Variants in TRANK1 observed in about 807,000 individuals in gnomAD.
TRANK1 encodes the protein TPR and ankyrin repeat-containing protein 1.
A neutral mutation model predicts 266.0 loss-of-function variants in TRANK1; 198 were observed. The observed-to-expected ratio is 0.74, with a 90% CI of 0.66 to 0.84. The LOEUF (loss-of-function observed/expected upper bound fraction) is 0.84. Ranked by LOEUF, TRANK1 falls within the 40% of genes least tolerant of loss-of-function variation. The pLI is 0.00. For synonymous variants in TRANK1, 1,396 were observed against 1,384.1 expected (o/e 1.01, Z -0.19); for missense variants, 3,326 against 3,634.6 (o/e 0.92, Z 2.18).
At chr3:36,852,829 G>A (rs2079003816) in intron 13 of TRANK1, among the ~76,000 whole-genome samples, 1 of 150,154 alleles carries the variant, frequency 6.7e-6, no homozygotes, top group South Asian at 2.1e-4. Context: ...GCTCTCATAA[G>A]GGGCTGGTAT....
rs754784303 is a variant in TRANK1, at chr3:36,838,655, T to C, written c.5342A>G (p.His1781Arg). The C allele has an allele frequency of 6.2e-7, 1 of 1,613,984 alleles. No individual in the cohort carries two copies. The highest frequency in any genetic ancestry group is 8.5e-7 in the Non-Finnish European group (1 of 1,179,884). Reference sequence around the variant, plus strand: ...GGATTTCATGCTCAGGGCAGTGTCATGGGCCAGGGCCAACTTCTCCTTCTC... The same window carrying C: ...GGATTTCATGCTCAGGGCAGTGTCACGGGCCAGGGCCAACTTCTCCTTCTC... ...AFEKEKLALA[H>R]DTALSMKSKK... Residue 1781 changes from histidine to arginine, a missense_variant, in exon 19 of 24, where the codon CAT (histidine) becomes CGT (arginine). His to Arg is a conservative substitution (Grantham distance 29). Transcript: ENST00000645898.
chr3:36,840,942 T>C (rs1213206974), intron 18 of TRANK1, among the ~76,000 whole-genome samples: 2 of 152,240 alleles, frequency 1.3e-5, no homozygotes, highest in Non-Finnish European at 2.9e-5. Flanking sequence ...AAGAAGTAAC[T>C]GATAAATCCC....
rs929659265 is a variant in TRANK1 at position 36,858,152 on chromosome 3, G to C, written c.1673-103C>G. ...ATGCCAGCCAGGGGCATCTCAGAAT[G>C]CTGAACTCCCCCAAAAAATCTGAAA... On this transcript the variant is annotated intron_variant, in intron 12 of 23. Coordinates refer to ENST00000645898, the MANE Select transcript of TRANK1 (RefSeq NM_001329998.2). 9.2e-6 allele frequency: 9 copies of C among 978,524 alleles called. No homozygotes were observed. The East Asian group carries it at 1.3e-4, about 14-fold the overall frequency. 60.6% of individuals were successfully genotyped at this position (978,524 alleles called of 1,614,324 possible).
chr3:36,907,932 A>G (rs1041327982), intron 2 of TRANK1, among the ~76,000 whole-genome samples: 1 of 152,188 alleles, frequency 6.6e-6, no homozygotes, highest in Non-Finnish European at 1.5e-5. Flanking sequence ...AAGAAGCTGA[A>G]GGGGCAAGGA....
chr3:36,935,160 G>T (rs936444980), intron 1 of TRANK1, among the ~76,000 whole-genome samples: 1 of 152,102 alleles, frequency 6.6e-6, no homozygotes. Context: ...GATTCTCTGG[G>T]CCTTTCTCCC....
intron 8 of TRANK1, chr3:36,880,149 AAT>A (rs34966745): frequency 0.056 from 4,975 of 88,958 alleles, 16 homozygotes; most frequent in East Asian, 0.18. Flanking sequence ...TATAAACATA[AAT>A]ATATATATAT....
intron 1 of TRANK1, among the ~76,000 whole-genome samples, chr3:36,921,929 C>T (rs11129743): frequency 0.32 from 47,906 of 151,992 alleles, 8,581 homozygotes; most frequent in Non-Finnish European, 0.42. Flanking sequence ...ATTGCTTGAG[C>T]TTAGGAATTC....
At chr3:36,869,044 T>A (rs778430774) in intron 9 of TRANK1, among the ~76,000 whole-genome samples, 31 of 152,358 alleles carry the variant, frequency 2.0e-4, no homozygotes, top group South Asian at 4.1e-4. Flanking sequence ...GTGGACATGC[T>A]GCCATCTGGT....
Position 36,832,374 on chromosome 3 carries a change from G to GTGGGTCTTGTCC in TRANK1, c.7197_7208dup (p.Thr2402_His2403insGlnAspLysThr). 1 of 1,614,006 alleles carries GTGGGTCTTGTCC rather than the reference G, an allele frequency of 6.2e-7. No homozygotes were observed. Among genetic ancestry groups the GTGGGTCTTGTCC allele is most frequent in the Non-Finnish European group, 8.5e-7 (1 of 1,179,904 alleles). ...TCTCCAGAAGCCGGATGAAGCACAG[G>GTGGGTCTTGTCC]TGGGTCTTGTCCATATTTTCATCAT... On this transcript the variant is annotated inframe_insertion, in exon 22 of 24. Coordinates refer to ENST00000645898, the MANE Select transcript of TRANK1 (RefSeq NM_001329998.2).
chr3:36,883,091 C>T (rs2079553275), intron 8 of TRANK1, among the ~76,000 whole-genome samples: 1 of 152,094 alleles, frequency 6.6e-6, no homozygotes, highest in Non-Finnish European at 1.5e-5. Context: ...AACAAAACTA[C>T]ATAAGCATTT....
rs760040227 is a variant in TRANK1 at position 36,857,385 on chromosome 3, C to T, written c.2337G>A (p.Gly779=). 1.2e-5 allele frequency: 19 copies of T among 1,611,302 alleles called. No homozygotes were observed. The highest frequency in any genetic ancestry group is 1.4e-5 in the Non-Finnish European group (17 of 1,178,548). ...KKDDKPTLGA[G]APDCSEVGEG... is the part of the protein sequence containing the mutation. ...CCCCCACCTCACTACAGTCAGGGGC[C>T]CCTGCACCCAGAGTCGGCTTGTCAT... The change falls in exon 13 of 24, where the codon GGG becomes GGA. Residue 779 remains glycine, a synonymous_variant. Coordinates refer to ENST00000645898, the MANE Select transcript of TRANK1 (RefSeq NM_001329998.2). The surrounding 1 kb of genome is among the most constrained non-coding windows in gnomAD (Gnocchi z 4.3).
intron 8 of TRANK1, among the ~76,000 whole-genome samples, chr3:36,885,060 G>A (rs953063553): frequency 6.6e-6 from 1 of 152,102 alleles, no homozygotes; most frequent in Non-Finnish European, 1.5e-5. Context: ...CAAAATTGGT[G>A]GGCAGAAGTT....
At position 36,842,665 on chromosome 3, in the gene TRANK1, C is replaced by A; in HGVS notation, c.5237G>T (p.Trp1746Leu). Residue 1746 changes from tryptophan to leucine, a missense_variant, in exon 18 of 24, where the codon TGG becomes TTG. Coordinates refer to ENST00000645898, the MANE Select transcript of TRANK1 (RefSeq NM_001329998.2). ...MFVKTSTPAE[W>L]IAQGDYYAKH... ...GGCGTAGTAATCTCCCTGTGCAATC[C>A]ACTCCGCAGGAGTTGAGGTCTTAAC... 6.2e-7 allele frequency: 1 copy of A among 1,613,986 alleles called. No individual in the cohort carries two copies. The highest frequency in any genetic ancestry group is 8.5e-7 in the Non-Finnish European group (1 of 1,179,878).
chr3:36,940,478 C>T lies in TRANK1; in HGVS notation c.23+4309G>A, dbSNP rs140821049. Among the ~76,000 whole-genome samples, 994 of 147,538 alleles carry T rather than the reference C, an allele frequency of 6.7e-3. 14 individuals carry two copies. The highest frequency in any genetic ancestry group is 0.023 in the African/African-American group (941 of 40,274). On this transcript the variant is annotated intron_variant, in intron 1 of 23. Transcript: ENST00000645898. ...TCGTGCCACTGCACTCCAGCCTGGGCGACAGAGCGAGAATCTGTTTCAAAA... is the reference window on the plus strand; with the variant it reads ...TCGTGCCACTGCACTCCAGCCTGGGTGACAGAGCGAGAATCTGTTTCAAAA...
intron 3 of TRANK1, 55 bp from the exon 4 acceptor site, chr3:36,899,314 G>T: frequency 6.7e-7 from 1 of 1,491,236 alleles, no homozygotes; most frequent in Non-Finnish European, 8.9e-7. Context: ...TTAACCTGCT[G>T]GTGAAAGAAA....
chr3:36,846,866 T>C (rs945187942), intron 16 of TRANK1, among the ~76,000 whole-genome samples: 12 of 152,204 alleles, frequency 7.9e-5, no homozygotes, highest in African/African-American at 2.9e-4. Flanking sequence ...CATACACTTT[T>C]ACTATAACTA....
chr3:36,844,801 A>T (rs2078893845), intron 17 of TRANK1, among the ~76,000 whole-genome samples: 1 of 152,210 alleles, frequency 6.6e-6, no homozygotes, highest in Admixed American at 6.5e-5. Flanking sequence ...AGCCATCAGT[A>T]ATAACCAGAA....
chr3:36,869,232 C>T (rs1459220951), intron 9 of TRANK1, among the ~76,000 whole-genome samples: 1 of 152,220 alleles, frequency 6.6e-6, no homozygotes, highest in Non-Finnish European at 1.5e-5. Flanking sequence ...CCAAATAATT[C>T]ATGTACATGT....
intron 18 of TRANK1, 21 bp from the exon 19 acceptor site, chr3:36,838,737 T>TCC: frequency 1.2e-6 from 2 of 1,606,152 alleles, no homozygotes; most frequent in Non-Finnish European, 1.7e-6. Context: ...CAAAAAGTTT[T>TCC]ATTCCCAGCA....
Sources: gnomAD v4.1 joint callset for allele counts (sites outside exome capture counted in the v4.1 genomes callset) on GRCh38, gnomAD v4.1.1 for gene constraint, Gnocchi (gnomAD v3.1) non-coding constraint, MANE v1.5 for transcripts, NCBI Gene and HGNC (gene_info 2026-07-23, HGNC 2026-07-21) for gene names.